The following SLC35F3 variants were observed in gnomAD, a reference collection of about 807,000 sequenced individuals.
SLC35F3 encodes solute carrier family 35 member F3, also known as putative thiamine transporter SLC35F3.
Under a neutral mutation model 49.9 loss-of-function variants are expected in SLC35F3, and 25 were observed. The observed-to-expected ratio is 0.50, with a 90% CI of 0.37 to 0.70. The LOEUF (loss-of-function observed/expected upper bound fraction) is 0.70, where lower values mean the gene tolerates loss of function less well. Ranked by LOEUF, SLC35F3 falls within the 30% of genes least tolerant of loss-of-function variation. SLC35F3 has a pLI of 0.00. For missense variants in SLC35F3, 525 were observed against 639.8 expected (o/e 0.82, Z 1.94); for synonymous variants, 275 against 265.4 (o/e 1.04, Z -0.35).
intron 3 of SLC35F3, among the ~76,000 whole-genome samples, chr1:234,255,679 CTGTT>C (rs1239230690): frequency 2.0e-5 from 3 of 152,152 alleles, no homozygotes; most frequent in Admixed American, 6.5e-5. Context: ...AGGCTATAGA[CTGTT>C]TGATTCCAGC....
chr1:234,294,927 GAA>G (rs751284787), intron 3 of SLC35F3, among the ~76,000 whole-genome samples: 30 of 152,232 alleles, frequency 2.0e-4, no homozygotes, highest in Non-Finnish European at 3.7e-4. Context: ...AAGTCAAAGA[GAA>G]AGCCATGGAA....
chr1:234,016,223 T>C (rs1470979797), intron 2 of SLC35F3, among the ~76,000 whole-genome samples: 2 of 152,188 alleles, frequency 1.3e-5, no homozygotes, highest in African/African-American at 2.4e-5. Flanking sequence ...ACAGCCACTA[T>C]GGAAAACAGC....
intron 2 of SLC35F3, among the ~76,000 whole-genome samples, chr1:234,091,400 C>T (rs1165054250): frequency 1.3e-5 from 2 of 152,214 alleles, no homozygotes; most frequent in African/African-American, 4.8e-5. Flanking sequence ...GCAGCAAACA[C>T]TCACCCCTGC....
intron 2 of SLC35F3, among the ~76,000 whole-genome samples, chr1:234,111,543 T>C (rs993145166): frequency 1.3e-5 from 2 of 152,222 alleles, no homozygotes; most frequent in South Asian, 2.1e-4. Context: ...TCCGCCCGCC[T>C]CGGCTTCCCA....
intron 3 of SLC35F3, chr1:234,268,744 T>C (rs994849282): frequency 6.6e-6 from 1 of 152,210 alleles, no homozygotes; most frequent in African/African-American, 2.4e-5. Flanking sequence ...TCCTGATTGT[T>C]CCACGTGCCA....
At chr1:234,090,819 A>G (rs1665032430) in intron 2 of SLC35F3, among the ~76,000 whole-genome samples, 1 of 152,208 alleles carries the variant, frequency 6.6e-6, no homozygotes, top group South Asian at 2.1e-4. Context: ...TGTTAAGTCA[A>G]TGACCCACAG....
At chr1:234,070,664 T>C (rs931433793) in intron 2 of SLC35F3, among the ~76,000 whole-genome samples, 3 of 152,226 alleles carry the variant, frequency 2.0e-5, no homozygotes, top group Non-Finnish European at 4.4e-5. Context: ...TTTTTTAATC[T>C]CATCAGGTTC....
intron 2 of SLC35F3, among the ~76,000 whole-genome samples, chr1:233,986,653 T>C (rs189756126): frequency 3.3e-5 from 5 of 152,248 alleles, no homozygotes; most frequent in Non-Finnish European, 7.3e-5. Flanking sequence ...CAGTTCTTAA[T>C]TGAATGATTT....
intron 2 of SLC35F3, among the ~76,000 whole-genome samples, chr1:234,136,577 T>C (rs1344390192): frequency 6.6e-6 from 1 of 152,228 alleles, no homozygotes; most frequent in Non-Finnish European, 1.5e-5. Context: ...CCACAAATAG[T>C]TGAGTCTGGT....
At chr1:234,210,107 G>C (rs901019087) in intron 2 of SLC35F3, among the ~76,000 whole-genome samples, 1 of 152,080 alleles carries the variant, frequency 6.6e-6, no homozygotes, top group African/African-American at 2.4e-5. Flanking sequence ...AGAAACGATG[G>C]TTCTATAATG....
At chr1:234,073,824 A>G (rs1438801391) in intron 2 of SLC35F3, among the ~76,000 whole-genome samples, 1 of 152,050 alleles carries the variant, frequency 6.6e-6, no homozygotes, top group Non-Finnish European at 1.5e-5. Context: ...CCCAAGTTTG[A>G]TGTCGTACTT....
At chr1:234,099,033 C>T (rs1665175092) in intron 2 of SLC35F3, among the ~76,000 whole-genome samples, 1 of 152,008 alleles carries the variant, frequency 6.6e-6, no homozygotes, top group South Asian at 2.1e-4. Flanking sequence ...GTGGTACCTG[C>T]ATTGAAGCAA....
At chr1:234,169,984 G>T (rs959972919) in intron 2 of SLC35F3, among the ~76,000 whole-genome samples, 4 of 152,084 alleles carry the variant, frequency 2.6e-5, no homozygotes, top group Non-Finnish European at 4.4e-5. Context: ...AGCCAGGATG[G>T]TCTCGATCTC....
chr1:233,978,019 A>T lies in SLC35F3; in HGVS notation c.283+72261A>T, dbSNP rs117010595. ...CATAGGTTTCCTTCTAGGCCATACCATCAGGTGTCCGGAAGCTATCCCTGC... is the reference window on the plus strand; with the variant it reads ...CATAGGTTTCCTTCTAGGCCATACCTTCAGGTGTCCGGAAGCTATCCCTGC... On this transcript the variant is annotated intron_variant, in intron 2 of 7. Transcript: ENST00000366618. Among the ~76,000 whole-genome samples the T allele has an allele frequency of 2.9e-4, 44 of 152,340 alleles. No homozygotes were observed. In the East Asian group the frequency reaches 7.7e-3, roughly 27 times the overall value.
intron 2 of SLC35F3, among the ~76,000 whole-genome samples, chr1:234,077,961 T>G (rs774775574): frequency 1.1e-4 from 16 of 152,136 alleles, no homozygotes; most frequent in Non-Finnish European, 4.4e-5. Context: ...CAGGGAGGAA[T>G]TACTTCAGCT....
intron 2 of SLC35F3, among the ~76,000 whole-genome samples, chr1:233,980,967 A>G (rs4362043): frequency 0.33 from 49,961 of 152,070 alleles, 8,613 homozygotes; most frequent in East Asian, 0.54. Flanking sequence ...AGCATAGATA[A>G]ATTAGTTCAT....
At chr1:234,271,396 G>T (rs927719880) in intron 3 of SLC35F3, among the ~76,000 whole-genome samples, 1 of 152,276 alleles carries the variant, frequency 6.6e-6, no homozygotes. Context: ...TTGAAATCTT[G>T]TTGCTGAACT....
At chr1:234,017,695 C>T (rs1663824790) in intron 2 of SLC35F3, among the ~76,000 whole-genome samples, 1 of 120,224 alleles carries the variant, frequency 8.3e-6, no homozygotes, top group African/African-American at 3.1e-5. Flanking sequence ...GCCTGGGAGA[C>T]AGAGCGAGAC....
chr1:234,079,795 C>T (rs1331851213), intron 2 of SLC35F3, among the ~76,000 whole-genome samples: 1 of 152,132 alleles, frequency 6.6e-6, no homozygotes, highest in Non-Finnish European at 1.5e-5. Context: ...GAAATCGGAA[C>T]CTTCATATAT....
Sources: allele counts gnomAD v4.1 joint callset (sites outside exome capture counted in the v4.1 genomes callset), GRCh38; gene constraint gnomAD v4.1.1; transcripts MANE v1.5; gene names NCBI Gene and HGNC (gene_info 2026-07-23, HGNC 2026-07-21).